Variants in DPH6 observed in about 807,000 individuals in gnomAD.
DPH6 encodes the protein diphthine--ammonia ligase.
In DPH6, 33 loss-of-function variants were observed where a neutral mutation model predicts 38.2. The observed-to-expected ratio is 0.86, with a 90% CI of 0.65 to 1.15. DPH6 has a LOEUF of 1.15. DPH6 is among the 50% of genes most tolerant of loss of function. The pLI, the probability that DPH6 is intolerant of heterozygous loss-of-function variation, is 0.00. For synonymous variants in DPH6, 108 were observed against 103.0 expected (o/e 1.05, Z -0.30); for missense variants, 325 against 320.0 (o/e 1.02, Z -0.12).
intron 3 of DPH6, among the ~76,000 whole-genome samples, chr15:35,483,520 T>G (rs1040024087): frequency 8.0e-5 from 12 of 149,574 alleles, no homozygotes; most frequent in Admixed American, 8.0e-4. Flanking sequence ...CAATATAAAC[T>G]CACTAGAATG....
chr15:35,259,017 T>C (rs2051725990), intron 3 of DPH6, among the ~76,000 whole-genome samples: 1 of 151,794 alleles, frequency 6.6e-6, no homozygotes. Flanking sequence ...CGTGGTGGTG[T>C]GCACCTGTAA....
intron 7 of DPH6, among the ~76,000 whole-genome samples, chr15:35,376,977 CATAT>C (rs1025713350): frequency 6.6e-6 from 1 of 152,058 alleles, no homozygotes; most frequent in South Asian, 2.1e-4. Context: ...ATGCATACTG[CATAT>C]ATAAACATAT....
intron 3 of DPH6, among the ~76,000 whole-genome samples, chr15:35,323,949 G>A (rs2052261721): frequency 1.3e-5 from 2 of 152,126 alleles, no homozygotes; most frequent in African/African-American, 4.8e-5. Flanking sequence ...CAATAATAGA[G>A]TTATAATATA....
Position 35,337,485 on chromosome 15 carries a change from G to A in DPH6, n.208-6408C>T, listed in dbSNP as rs57070966. On this transcript the variant is annotated intron_variant and non_coding_transcript_variant, in intron 3 of 3. Transcript: ENST00000558973. ...AATCCAACTTACAAGGGACGTGAAG[G>A]ACCTCTTCAAGGAGAACTACAAACC... Among the ~76,000 whole-genome samples, 2,886 of 152,150 alleles carry A rather than the reference G, an allele frequency of 0.019. 318 individuals carry two copies. The East Asian group carries it at 0.34, about 18-fold the overall frequency.
chr15:35,258,982 A>T (rs1302397288), intron 3 of DPH6, among the ~76,000 whole-genome samples: 1 of 151,988 alleles, frequency 6.6e-6, no homozygotes, highest in Non-Finnish European at 1.5e-5. Flanking sequence ...CTGCATCTCT[A>T]CTTAAAATAC....
rs1053565579 is a variant in DPH6 at position 35,485,425 on chromosome 15, G to T, written c.313-30605C>A. The stretch of plus-strand genomic sequence containing the variant: ...ACTCACTTTCCTTTGCCAAGATAGG[G>T]TCATTAGAAAGTCAAGTTTATTCTA... On this transcript the variant is annotated intron_variant, in intron 3 of 8. Coordinates refer to ENST00000256538, the MANE Select transcript of DPH6 (RefSeq NM_080650.4). Among the ~76,000 whole-genome samples the T allele has an allele frequency of 2.0e-5, 3 of 152,262 alleles. No homozygotes were observed. The South Asian group carries it at 6.2e-4, about 32-fold the overall frequency.
intron 3 of DPH6, among the ~76,000 whole-genome samples, chr15:35,318,449 T>C (rs1027812991): frequency 7.2e-5 from 11 of 152,264 alleles, no homozygotes; most frequent in Middle Eastern, 3.4e-3. Context: ...AGAAAACTTT[T>C]AGTAAACTTT....
chr15:35,417,839 T>C (rs1030645283), intron 5 of DPH6, among the ~76,000 whole-genome samples: 4 of 152,050 alleles, frequency 2.6e-5, no homozygotes, highest in African/African-American at 7.2e-5. Context: ...TAAACCCTAG[T>C]ATCTAGACCC....
chr15:35,289,441 C>T (rs1161489516), intron 3 of DPH6, among the ~76,000 whole-genome samples: 1 of 152,138 alleles, frequency 6.6e-6, no homozygotes, highest in Non-Finnish European at 1.5e-5. Flanking sequence ...TGATACCTAG[C>T]ACCGAAGAGC....
At chr15:35,515,686 A>G (rs1270176570) in intron 3 of DPH6, among the ~76,000 whole-genome samples, 1 of 133,350 alleles carries the variant, frequency 7.5e-6, no homozygotes, top group African/African-American at 2.9e-5. Context: ...GTGCCACTAC[A>G]CTCTGGCCTG....
At chr15:35,463,813 T>C (rs1407292057) in intron 3 of DPH6, among the ~76,000 whole-genome samples, 1 of 152,188 alleles carries the variant, frequency 6.6e-6, no homozygotes, top group Non-Finnish European at 1.5e-5. Context: ...CATTCATCTC[T>C]TATCCCATGT....
intron 3 of DPH6, among the ~76,000 whole-genome samples, chr15:35,245,534 G>A (rs151026543): frequency 0.016 from 2,462 of 152,288 alleles, 38 homozygotes; most frequent in Non-Finnish European, 0.025. Flanking sequence ...CACCACGCTG[G>A]CGGGTCATTG....
At chr15:35,408,869 A>C (rs1289699309) in intron 6 of DPH6, among the ~76,000 whole-genome samples, 5 of 152,048 alleles carry the variant, frequency 3.3e-5, no homozygotes, top group Admixed American at 1.3e-4. Context: ...CTGACAATGA[A>C]TACAGATAAC....
intron 6 of DPH6, among the ~76,000 whole-genome samples, chr15:35,403,859 C>T (rs940436980): frequency 4.0e-5 from 6 of 150,684 alleles, no homozygotes; most frequent in East Asian, 2.0e-4. Flanking sequence ...CCATCTCCAA[C>T]TCCCTGGTGG....
intron 6 of DPH6, among the ~76,000 whole-genome samples, chr15:35,382,992 G>GA (rs1186133878): frequency 7.9e-5 from 12 of 152,120 alleles, no homozygotes; most frequent in African/African-American, 2.9e-4. Flanking sequence ...CAGTGCTGGG[G>GA]AGCACTCTCC....
the DPH6 span, among the ~76,000 whole-genome samples, chr15:35,166,275 CCT>C: frequency 6.6e-6 from 1 of 151,930 alleles, no homozygotes; most frequent in Non-Finnish European, 1.5e-5. Flanking sequence ...CTAGGCTTCC[CCT>C]CTGTTTATAA....
chr15:35,458,797 T>C (rs1050552178), intron 3 of DPH6, among the ~76,000 whole-genome samples: 9 of 152,220 alleles, frequency 5.9e-5, no homozygotes, highest in African/African-American at 1.7e-4. Flanking sequence ...GGTATAATCA[T>C]GTACAATCAA....
In DPH6 at chr15:35,253,067, G is replaced by T. The variant is rs551901033; in HGVS notation, n.201-32485C>A. 2.7e-3 allele frequency among the ~76,000 whole-genome samples: 406 copies of T among 152,294 alleles called. 4 individuals are homozygous for T. Among genetic ancestry groups the T allele is most frequent in the Non-Finnish European group, 5.0e-3 (337 of 68,024 alleles). On this transcript the variant is annotated intron_variant and non_coding_transcript_variant, in intron 3 of 3. Coordinates refer to the DPH6 transcript ENST00000560386. ...GCCTCAGTTTCTTTATCTGCATATTGAAGGCATCTGAATGTTAATCTCTGA... is the reference window on the plus strand; with the variant it reads ...GCCTCAGTTTCTTTATCTGCATATTTAAGGCATCTGAATGTTAATCTCTGA...
intron 6 of DPH6, among the ~76,000 whole-genome samples, chr15:35,399,885 G>C (rs1476861216): frequency 1.3e-5 from 2 of 152,152 alleles, no homozygotes; most frequent in Non-Finnish European, 2.9e-5. Flanking sequence ...GAAATCTCTT[G>C]GAGAATGTGC....
Sources: allele counts gnomAD v4.1 joint callset (sites outside exome capture counted in the v4.1 genomes callset), GRCh38; gene constraint gnomAD v4.1.1; transcripts MANE v1.5; gene names NCBI Gene and HGNC (gene_info 2026-07-23, HGNC 2026-07-21).